TXLNB: variants seen among roughly 807,000 people sequenced by gnomAD.
TXLNB encodes beta-taxilin.
TXLNB carries 37 observed loss-of-function variants against 57.4 expected under a neutral mutation model. That is an observed-to-expected ratio of 0.64 (90% confidence interval 0.50 to 0.85). The LOEUF (loss-of-function observed/expected upper bound fraction) is 0.85, where lower values mean the gene tolerates loss of function less well. Ranked by LOEUF, TXLNB falls within the 40% of genes least tolerant of loss-of-function variation. The pLI is 0.00. For missense variants in TXLNB, 848 were observed against 825.6 expected (o/e 1.03, Z -0.33); for synonymous variants, 302 against 309.6 (o/e 0.98, Z 0.26).
intron 7 of TXLNB, among the ~76,000 whole-genome samples, chr6:139,250,045 G>T (rs2114456589): frequency 6.6e-6 from 1 of 151,852 alleles, no homozygotes; most frequent in African/African-American, 2.4e-5. Flanking sequence ...GAGACAGTCT[G>T]ATTCTGTCAC....
the TXLNB span, among the ~76,000 whole-genome samples, chr6:139,193,842 T>TATA: frequency 0.016 from 743 of 45,574 alleles, 5 homozygotes; most frequent in African/African-American, 0.035. Flanking sequence ...ATATATATAT[T>TATA]TTTTTTTTTT....
At chr6:139,215,673 A>C in the TXLNB span, among the ~76,000 whole-genome samples, 9 of 152,356 alleles carry the variant, frequency 5.9e-5, no homozygotes, top group Non-Finnish European at 1.0e-4. Context: ...AGAAACTACC[A>C]TCAGAGTGAA....
At chr6:139,188,561 AG>A in the TXLNB span, among the ~76,000 whole-genome samples, 2 of 152,210 alleles carry the variant, frequency 1.3e-5, no homozygotes, top group Non-Finnish European at 2.9e-5. Context: ...TTGACTTATA[AG>A]GTTTGCATTT....
At chr6:139,216,534 A>G in the TXLNB span, among the ~76,000 whole-genome samples, 1 of 151,800 alleles carries the variant, frequency 6.6e-6, no homozygotes, top group African/African-American at 2.4e-5. Flanking sequence ...TAAACGACGA[A>G]TTAATGGGTG....
chr6:139,311,445 CTG>C, the TXLNB span, among the ~76,000 whole-genome samples: 1 of 129,812 alleles, frequency 7.7e-6, no homozygotes, highest in South Asian at 2.4e-4. Context: ...GGTGATGAAA[CTG>C]TAACTTGTCC....
the TXLNB span, among the ~76,000 whole-genome samples, chr6:139,229,599 A>G: frequency 1.1e-4 from 16 of 152,320 alleles, no homozygotes; most frequent in African/African-American, 3.6e-4. Context: ...CTGGGATTAC[A>G]TGTGTGAGCC....
chr6:139,226,327 AGAG>A, the TXLNB span, among the ~76,000 whole-genome samples: 4 of 83,996 alleles, frequency 4.8e-5, no homozygotes, highest in African/African-American at 6.8e-5. Flanking sequence ...AAAAAAAAAA[AGAG>A]ATAGAGAGAG....
the TXLNB span, among the ~76,000 whole-genome samples, chr6:139,188,192 TGA>T: frequency 3.3e-5 from 5 of 152,172 alleles, no homozygotes; most frequent in East Asian, 7.7e-4. Flanking sequence ...CAGGAGCTTC[TGA>T]GAGTGGCTTT....
rs1306947717 is a variant in TXLNB at position 139,244,648 on chromosome 6, A to G, written c.1213T>C (p.Trp405Arg). ...MKKLEKDTAT[W>R]KARFENCNKA... is the part of the protein sequence containing the mutation. ...TTACAGTTCTCAAATCGGGCTTTCC[A>G]TGTGGCTGTGTCCTTTTCCAGCTTC... Residue 405 changes from tryptophan (W) to arginine (R), a missense_variant, in exon 9 of 10, where the codon TGG becomes CGG. Physicochemically the swap from Trp to Arg is moderately radical, Grantham distance 101. Coordinates refer to ENST00000358430, the MANE Select transcript of TXLNB (RefSeq NM_153235.4). 2 of 1,614,070 alleles carry G rather than the reference A, an allele frequency of 1.2e-6. No homozygotes were observed. The highest frequency in any genetic ancestry group is 1.7e-6 in the Non-Finnish European group (2 of 1,179,924).
chr6:139,188,449 A>G, the TXLNB span, among the ~76,000 whole-genome samples: 1 of 152,168 alleles, frequency 6.6e-6, no homozygotes, highest in Non-Finnish European at 1.5e-5. Flanking sequence ...AAAATGATCC[A>G]TTTGTTTCTC....
rs1006831398 is a variant in TXLNB at position 139,266,175 on chromosome 6, T to A, written c.688-3402A>T. Among the ~76,000 whole-genome samples, 12 of 152,212 alleles carry A rather than the reference T, an allele frequency of 7.9e-5. 1 individual carries two copies. In the South Asian group the frequency reaches 1.7e-3, roughly 21 times the overall value. ...TCTCCAGAACATAATAGTCACAATA[T>A]CCAGGATCCAATAGACAATGGCTTG... is the stretch of plus-strand genomic sequence containing the variant. On this transcript the variant is annotated intron_variant, in intron 4 of 9. Transcript: ENST00000358430.
the TXLNB span, chr6:139,174,359 C>T: frequency 6.3e-7 from 1 of 1,595,284 alleles, no homozygotes; most frequent in East Asian, 2.3e-5. Context: ...GATGGCCACT[C>T]AGAGCCTTGT....
chr6:139,168,221 G>T, the TXLNB span, among the ~76,000 whole-genome samples: 1 of 151,964 alleles, frequency 6.6e-6, no homozygotes, highest in African/African-American at 2.4e-5. Flanking sequence ...TGGCTTTGAA[G>T]GTGGATGACT....
the TXLNB span, among the ~76,000 whole-genome samples, chr6:139,196,465 C>T: frequency 6.8e-6 from 1 of 147,028 alleles, no homozygotes; most frequent in Non-Finnish European, 1.5e-5. Flanking sequence ...ACCTCTGCGT[C>T]CCAGGTTCAA....
upstream of TXLNB, among the ~76,000 whole-genome samples, chr6:139,295,280 C>CA (rs2114663800): frequency 6.6e-6 from 1 of 152,156 alleles, no homozygotes; most frequent in Non-Finnish European, 1.5e-5. Flanking sequence ...GATAGGGGCC[C>CA]AAAAAACTGG....
At chr6:139,265,072 C>G (rs1415601539) in intron 4 of TXLNB, among the ~76,000 whole-genome samples, 1 of 152,206 alleles carries the variant, frequency 6.6e-6, no homozygotes, top group Non-Finnish European at 1.5e-5. Flanking sequence ...CATTGTGCAT[C>G]TTACAACTGG....
the TXLNB span, among the ~76,000 whole-genome samples, chr6:139,164,505 G>A: frequency 1.3e-5 from 2 of 152,134 alleles, no homozygotes; most frequent in African/African-American, 4.8e-5. Context: ...CCAGATGCCA[G>A]TAGTGCCCTC....
the TXLNB span, among the ~76,000 whole-genome samples, chr6:139,319,715 G>A: frequency 6.6e-6 from 1 of 151,810 alleles, no homozygotes; most frequent in Non-Finnish European, 1.5e-5. Flanking sequence ...AGTGAGCCAT[G>A]ATTGTGCCAT....
chr6:139,273,261 G>A (rs1776812431), intron 3 of TXLNB, among the ~76,000 whole-genome samples: 1 of 152,094 alleles, frequency 6.6e-6, no homozygotes, highest in South Asian at 2.1e-4. Context: ...CAGTAGCACT[G>A]CCCAATTGCG....
Sources: gnomAD v4.1 joint callset for allele counts (sites outside exome capture counted in the v4.1 genomes callset) on GRCh38, gnomAD v4.1.1 for gene constraint, MANE v1.5 for transcripts, NCBI Gene and HGNC (gene_info 2026-07-23, HGNC 2026-07-21) for gene names.